The following AK3 variants were observed in gnomAD, a reference collection of about 807,000 sequenced individuals.
AK3 encodes the protein adenylate kinase 3.
AK3 carries 27 observed loss-of-function variants against 23.7 expected under a neutral mutation model. The observed-to-expected ratio is 1.14, with a 90% CI of 0.84 to 1.57. The LOEUF (loss-of-function observed/expected upper bound fraction) is 1.57. Ranked by LOEUF, AK3 falls within the 40% of genes most tolerant of loss-of-function variation. The probability of loss-of-function intolerance (pLI) is 0.00; values close to 1 mark genes in which losing one functional copy is unlikely to be tolerated. For missense variants in AK3, 406 were observed against 285.6 expected (o/e 1.42, Z -3.04); for synonymous variants, 159 against 116.0 (o/e 1.37, Z -2.38).
At chr9:4,729,604 C>A (rs1351424865) in intron 1 of AK3, among the ~76,000 whole-genome samples, 1 of 152,014 alleles carries the variant, frequency 6.6e-6, no homozygotes, top group Non-Finnish European at 1.5e-5. Context: ...GGAGCCAACA[C>A]AGGAAGACTG....
rs765581630 is a variant in AK3, at chr9:4,718,477, C to T, written c.505G>A (p.Val169Ile). The T allele has an allele frequency of 6.2e-7, 1 of 1,613,722 alleles. No homozygotes were observed. Among genetic ancestry groups the T allele is most frequent in the Admixed American group, 1.7e-5 (1 of 60,010 alleles). ...TCATAAGCCTTTAGTCTCTTGATAA[C>T]CGTCTCTGGTTTATCATCCTCACGC... The part of the protein sequence containing the change: ...IQREDDKPET[V>I]IKRLKAYEDQ... The change falls in exon 4 of 5, where the codon GTT becomes ATT. Residue 169 changes from valine to isoleucine, a missense_variant. Val to Ile is a conservative substitution (Grantham distance 29). Coordinates refer to ENST00000381809, the MANE Select transcript of AK3 (RefSeq NM_016282.4).
intron 1 of AK3, among the ~76,000 whole-genome samples, chr9:4,735,150 T>C (rs1488191304): frequency 6.7e-6 from 1 of 149,190 alleles, no homozygotes; most frequent in Admixed American, 6.8e-5. Flanking sequence ...TCCCAACACC[T>C]TGAGAGGCTA....
In AK3 at chr9:4,740,081, G is replaced by A. The variant is rs866947800; in HGVS notation, c.151+856C>T. Among the ~76,000 whole-genome samples, 890 of 109,718 alleles carry A rather than the reference G, an allele frequency of 8.1e-3. 23 individuals are homozygous for A. Among genetic ancestry groups the A allele is most frequent in the African/African-American group, 0.026 (787 of 30,002 alleles). The allele number at this position is 109,718 out of a possible 152,430, so 72.0% of individuals were successfully genotyped here. On this transcript the variant is annotated intron_variant, in intron 1 of 4. Coordinates refer to ENST00000381809, the MANE Select transcript of AK3 (RefSeq NM_016282.4). ...CTTACAAAAAAAAAAAAAAAAAGAA[G>A]GAAAACAAAAGAAAAAGGCCTTGTG...
At chr9:4,715,216 C>CAAAAAAAAAAAAAAAAA (rs1237615381) in intron 4 of AK3, among the ~76,000 whole-genome samples, 1 of 56,982 alleles carries the variant, frequency 1.8e-5, no homozygotes, top group Non-Finnish European at 3.4e-5. Flanking sequence ...GACTCCGTCT[C>CAAAAAAAAAAAAAAAAA]AAAAAAAAAA....
chr9:4,741,059 G>T lies in AK3; in HGVS notation c.29C>A (p.Ala10Glu). The change falls in exon 1 of 5, where the codon GCG (alanine) becomes GAG (glutamate). Residue 10 changes from alanine to glutamate, a missense_variant. Ala to Glu is a moderately radical substitution (Grantham distance 107). Transcript: ENST00000381809. MGASARLLR[A>E]VIMGAPGSGK... ...CGAGCCCGGGGCCCCCATGATCACCGCTCGCAGCAGCCGCGCGGACGCCCC... is the reference window on the plus strand; with the variant it reads ...CGAGCCCGGGGCCCCCATGATCACCTCTCGCAGCAGCCGCGCGGACGCCCC... The T allele has an allele frequency of 1.3e-6, 2 of 1,559,712 alleles. 1 individual carries two copies. Among genetic ancestry groups the T allele is most frequent in the Non-Finnish European group, 1.7e-6 (2 of 1,155,380 alleles).
At chr9:4,724,417 A>G (rs1841974668) in intron 1 of AK3, among the ~76,000 whole-genome samples, 1 of 152,174 alleles carries the variant, frequency 6.6e-6, no homozygotes, top group South Asian at 2.1e-4. Flanking sequence ...TTAATAAAGT[A>G]CTTAATTTTA....
chr9:4,714,011 C>T (rs996164568), intron 4 of AK3, among the ~76,000 whole-genome samples: 3 of 95,598 alleles, frequency 3.1e-5, no homozygotes, highest in Admixed American at 2.1e-4. Flanking sequence ...CACATATACA[C>T]CTACACATAT....
rs1482093034 is a variant in AK3, at chr9:4,711,407, G to A, written c.*1569C>T. 6.6e-6 allele frequency: 1 copy of A among 152,566 alleles called. No homozygotes were observed. Among genetic ancestry groups the A allele is most frequent in the African/African-American group, 2.4e-5 (1 of 41,426 alleles). 9.5% of individuals were successfully genotyped at this position (152,566 alleles called of 1,614,324 possible). A position where few individuals can be genotyped will look rare whatever the true frequency, so the allele number is the denominator to read the frequency against. On this transcript the variant is annotated 3_prime_UTR_variant, in exon 5 of 5. Transcript: ENST00000381809. ...ATTAACATTCAAATAAGGCATTATA[G>A]AAAGTTTTATAAAGAATGAAGTGTT...
intron 1 of AK3, among the ~76,000 whole-genome samples, chr9:4,740,029 C>T (rs1587664669): frequency 7.4e-6 from 1 of 134,512 alleles, no homozygotes; most frequent in East Asian, 2.1e-4. Context: ...GTTTTTTATG[C>T]TATGCACGTC....
At chr9:4,739,865 A>G (rs1842384276) in intron 1 of AK3, among the ~76,000 whole-genome samples, 1 of 152,154 alleles carries the variant, frequency 6.6e-6, no homozygotes, top group African/African-American at 2.4e-5. Context: ...CAGGAGGCAG[A>G]CAGAGCAAGA....
rs1171007010 is a variant in AK3, at chr9:4,711,456, T to C, written c.*1520A>G. 4 of 152,630 alleles carry C rather than the reference T, an allele frequency of 2.6e-5. No homozygotes were observed. Among genetic ancestry groups the C allele is most frequent in the African/African-American group, 9.7e-5 (4 of 41,440 alleles). The allele number at this position is 152,630 out of a possible 1,614,324, so 9.5% of individuals were successfully genotyped here. A position where few individuals can be genotyped will look rare whatever the true frequency, so the allele number is the denominator to read the frequency against. On this transcript the variant is annotated 3_prime_UTR_variant, in exon 5 of 5. Coordinates refer to ENST00000381809, the MANE Select transcript of AK3 (RefSeq NM_016282.4). ...TTTCCTATATTTCTTTTAAAAAACC[T>C]TGGTTCATCTTGAAAGATCGATGAA...
At chr9:4,739,196 G>A (rs1842365787) in intron 1 of AK3, among the ~76,000 whole-genome samples, 2 of 151,950 alleles carry the variant, frequency 1.3e-5, no homozygotes, top group East Asian at 1.9e-4. Context: ...AACAATCTCT[G>A]TTCTTTCTTT....
At chr9:4,713,796 G>C (rs578183415) in intron 4 of AK3, among the ~76,000 whole-genome samples, 10 of 151,450 alleles carry the variant, frequency 6.6e-5, no homozygotes, top group Admixed American at 1.3e-4. Flanking sequence ...ACATGGTGAA[G>C]AGTGAGATCA....
chr9:4,741,055 C>G lies in AK3; in HGVS notation c.33G>C (p.Val11=), dbSNP rs1842420296. ...TGCCCGAGCCCGGGGCCCCCATGAT[C>G]ACCGCTCGCAGCAGCCGCGCGGACG... is the stretch of plus-strand genomic sequence containing the variant. MGASARLLRA[V]IMGAPGSGKG... Residue 11 remains valine (V), a synonymous_variant, in exon 1 of 5, where the codon GTG becomes GTC. Transcript: ENST00000381809. 6.4e-7 allele frequency: 1 copy of G among 1,565,062 alleles called. No homozygotes were observed. The highest frequency in any genetic ancestry group is 1.8e-4 in the Middle Eastern group (1 of 5,486).
intron 4 of AK3, among the ~76,000 whole-genome samples, chr9:4,715,580 G>A (rs1037016197): frequency 2.0e-5 from 3 of 151,656 alleles, no homozygotes; most frequent in Non-Finnish European, 4.4e-5. Context: ...TTTATGTTTT[G>A]TAGAGACAGA....
chr9:4,727,477 C>T (rs1390203203), intron 1 of AK3, among the ~76,000 whole-genome samples: 2 of 152,228 alleles, frequency 1.3e-5, no homozygotes, highest in Non-Finnish European at 1.5e-5. Flanking sequence ...GAACCAACCT[C>T]TGCTAGCTTC....
intron 1 of AK3, among the ~76,000 whole-genome samples, chr9:4,732,695 GT>G (rs1432055102): frequency 1.3e-5 from 2 of 152,066 alleles, no homozygotes. Context: ...AGAAATAAAT[GT>G]TTATATTACA....
rs1003570550 is a variant in AK3 at position 4,710,314 on chromosome 9, TCTC to T, written c.*2659_*2661del. On this transcript the variant is annotated 3_prime_UTR_variant, in exon 5 of 5. Transcript: ENST00000381809. ...CCTCCGCCTCCCGGATTCACACCAT[TCTC>T]CTGCCTCAACCTCCCGAGTAGCTGG... 1 of 151,138 alleles carries T rather than the reference TCTC, an allele frequency of 6.6e-6. No homozygotes were observed. The highest frequency in any genetic ancestry group is 1.5e-5 in the Non-Finnish European group (1 of 67,838). The allele number at this position is 151,138 out of a possible 1,614,324, so 9.4% of individuals were successfully genotyped here. A position where few individuals can be genotyped will look rare whatever the true frequency, so the allele number is the denominator to read the frequency against.
chr9:4,731,749 C>T (rs1842159127), intron 1 of AK3, among the ~76,000 whole-genome samples: 1 of 152,112 alleles, frequency 6.6e-6, no homozygotes, highest in Non-Finnish European at 1.5e-5. Context: ...TACATCTTAA[C>T]AGACTCCTCA....
Sources: gnomAD v4.1 joint callset for allele counts (sites outside exome capture counted in the v4.1 genomes callset) on GRCh38, gnomAD v4.1.1 for gene constraint, MANE v1.5 for transcripts, NCBI Gene and HGNC (gene_info 2026-07-23, HGNC 2026-07-21) for gene names.